Variants in SPTB observed in about 807,000 individuals in gnomAD.
The protein encoded by SPTB is spectrin beta chain, erythrocytic.
Under a neutral mutation model 256.2 loss-of-function variants are expected in SPTB, and 45 were observed. The ratio of observed to expected loss-of-function variants is 0.18; its 90% CI spans 0.14 to 0.23. SPTB has a LOEUF of 0.23. Among genes scored for constraint, SPTB ranks in the 10% least tolerant of loss-of-function variants. The pLI is 1.00. For missense variants in SPTB, 2,715 were observed against 3,040.4 expected, an observed-to-expected ratio of 0.89 and a Z score of 2.52; for synonymous variants, 1,231 against 1,243.1, an observed-to-expected ratio of 0.99 and a Z score of 0.21.
intron 23 of SPTB, 61 bp from the exon 24 acceptor site, chr14:64,774,588 A>G: frequency 1.3e-6 from 2 of 1,550,010 alleles, no homozygotes; most frequent in Non-Finnish European, 1.7e-6. Flanking sequence ...TCCCTTGGCA[A>G]GTTGTGCCCC....
intron 1 of SPTB, among the ~76,000 whole-genome samples, chr14:64,862,062 C>T (rs908827530): frequency 1.3e-5 from 2 of 152,208 alleles, no homozygotes; most frequent in African/African-American, 4.8e-5. Context: ...GTCAAATCGA[C>T]ACCCCCAGCC....
rs1012363759 is a variant in SPTB, at chr14:64,824,300, G to T, written c.-51-1155C>A. On this transcript the variant is annotated intron_variant, in intron 1 of 35. Transcript: ENST00000644917. The surrounding 1 kb of genome is among the most constrained non-coding windows in gnomAD (Gnocchi z 5.7). ...GGGAAAGGACAAGAGTCCAAGCAAA[G>T]GGAATAAAGAGTAGGTGTAAAGTCC... Among the ~76,000 whole-genome samples, 1 of 152,124 alleles carries T rather than the reference G, an allele frequency of 6.6e-6. No individual in the cohort carries two copies. Among genetic ancestry groups the T allele is most frequent in the African/African-American group, 2.4e-5 (1 of 41,418 alleles).
Position 64,823,181 on chromosome 14 carries a change from C to A in SPTB, c.-51-36G>T. On this transcript the variant is annotated intron_variant, in intron 1 of 35. Transcript: ENST00000644917. The surrounding 1 kb of genome is among the most constrained non-coding windows in gnomAD (Gnocchi z 6.5). ...GCAACACAGTCAGAGGGTTATCTCT[C>A]TACCCCCTCGGACTTTTTCTCCGGG... The A allele has an allele frequency of 6.5e-7, 1 of 1,540,130 alleles. No individual in the cohort carries two copies. The highest frequency in any genetic ancestry group is 1.1e-5 in the South Asian group (1 of 88,964).
At position 64,780,001 on chromosome 14, in the gene SPTB, T is replaced by A; in HGVS notation, c.4267-70A>T. 4 of 1,368,244 alleles carry A rather than the reference T, an allele frequency of 2.9e-6. 1 individual carries two copies. In the South Asian group the frequency reaches 4.6e-5, roughly 16 times the overall value. 84.8% of individuals were successfully genotyped at this position (1,368,244 alleles called of 1,614,324 possible). The stretch of plus-strand genomic sequence containing the variant: ...ACAGCCCCTCCATCTTCTTCATTCA[T>A]CTGCATCCCACCCATCCTTTAAGGC... On this transcript the variant is annotated intron_variant, in intron 20 of 35. Coordinates refer to ENST00000644917, the MANE Select transcript of SPTB (RefSeq NM_001355436.2).
chr14:64,784,655 TC>T (rs1433350327), intron 18 of SPTB, among the ~76,000 whole-genome samples: 1 of 152,162 alleles, frequency 6.6e-6, no homozygotes, highest in Non-Finnish European at 1.5e-5. Context: ...TACGCTCCTC[TC>T]CATATTTTGA....
rs760226103 is a variant in SPTB, at chr14:64,823,980, G to A, written c.-51-835C>T. 1.1e-4 allele frequency among the ~76,000 whole-genome samples: 17 copies of A among 152,244 alleles called. No homozygotes were observed. The highest frequency in any genetic ancestry group is 5.8e-4 in the East Asian group (3 of 5,174). Reference sequence around the variant, plus strand: ...AGGAGCACTGGGTCCTCCCTCACCCGTCATCAGTCATTCCTACTCACTCAT... The same window carrying A: ...AGGAGCACTGGGTCCTCCCTCACCCATCATCAGTCATTCCTACTCACTCAT... On this transcript the variant is annotated intron_variant, in intron 1 of 35. Coordinates refer to ENST00000644917, the MANE Select transcript of SPTB (RefSeq NM_001355436.2). This position sits in a 1 kb window ranked among gnomAD's most constrained non-coding sequence, Gnocchi z 6.5.
Position 64,749,731 on chromosome 14 carries a change from C to T in SPTB, c.6777-35G>A. On this transcript the variant is annotated intron_variant, in intron 34 of 35. Coordinates refer to ENST00000644917, the MANE Select transcript of SPTB (RefSeq NM_001355436.2). This position sits in a 1 kb window ranked among gnomAD's most constrained non-coding sequence, Gnocchi z 4.7. ...CAAAGGGTTTCCTGTCATGGAGACA[C>T]CTCTGGAGGGGGCGCTGGGCAGAGG... The T allele has an allele frequency of 6.2e-7, 1 of 1,610,476 alleles. No homozygotes were observed. The highest frequency in any genetic ancestry group is 8.5e-7 in the Non-Finnish European group (1 of 1,178,362).
Position 64,793,912 on chromosome 14 carries a change from C to T in SPTB, c.1796-45G>A. ...GGAGGACAAAGTGGGGGATGGGCTT[C>T]ATTTATGGGCACGCTTCAGATAAGC... On this transcript the variant is annotated intron_variant, in intron 13 of 35. Transcript: ENST00000644917. This position sits in a 1 kb window ranked among gnomAD's most constrained non-coding sequence, Gnocchi z 7.0. The T allele has an allele frequency of 1.3e-6, 2 of 1,563,886 alleles. No individual in the cohort carries two copies. Among genetic ancestry groups the T allele is most frequent in the Non-Finnish European group, 1.7e-6 (2 of 1,160,760 alleles).
At chr14:64,810,840 G>C (rs574600035) in intron 2 of SPTB, among the ~76,000 whole-genome samples, 24 of 152,306 alleles carry the variant, frequency 1.6e-4, no homozygotes, top group African/African-American at 5.3e-4. Context: ...GTTGGACCAG[G>C]CATTGTGGCT....
chr14:64,762,688 C>G (rs1282634748), intron 32 of SPTB, among the ~76,000 whole-genome samples: 1 of 152,224 alleles, frequency 6.6e-6, no homozygotes, highest in African/African-American at 2.4e-5. Flanking sequence ...ACAGGCAGTG[C>G]TGGAAGGCCA....
chr14:64,831,444 C>A lies in SPTB; in HGVS notation c.-51-8299G>T, dbSNP rs1382139500. 2.6e-5 allele frequency among the ~76,000 whole-genome samples: 4 copies of A among 152,278 alleles called. No homozygotes were observed. The East Asian group carries it at 7.7e-4, about 29-fold the overall frequency. On this transcript the variant is annotated intron_variant, in intron 1 of 35. Transcript: ENST00000644917. ...GTAGTGAAAACCTAAAAAGCTAAAACCCTAAGAAGAGATACTCAAGCCCAT... is the reference window on the plus strand; with the variant it reads ...GTAGTGAAAACCTAAAAAGCTAAAAACCTAAGAAGAGATACTCAAGCCCAT...
At chr14:64,839,165 G>A (rs900481987) in intron 1 of SPTB, among the ~76,000 whole-genome samples, 1 of 152,080 alleles carries the variant, frequency 6.6e-6, no homozygotes, top group Admixed American at 6.6e-5. Flanking sequence ...TATTTATAGT[G>A]GCTTTATTTA....
rs546154375 is a variant in SPTB, at chr14:64,825,086, T to C, written c.-51-1941A>G. On this transcript the variant is annotated intron_variant, in intron 1 of 35. Coordinates refer to ENST00000644917, the MANE Select transcript of SPTB (RefSeq NM_001355436.2). This position sits in a 1 kb window ranked among gnomAD's most constrained non-coding sequence, Gnocchi z 4.8. ...GTGGGGAAAGGACTGGAGCACAGTT[T>C]ATCCCCCTTGATCGGACAGGTTTCA... Among the ~76,000 whole-genome samples, 15 of 151,154 alleles carry C rather than the reference T, an allele frequency of 9.9e-5. No individual in the cohort carries two copies. Among genetic ancestry groups the C allele is most frequent in the Non-Finnish European group, 1.3e-4 (9 of 67,676 alleles).
intron 2 of SPTB, among the ~76,000 whole-genome samples, chr14:64,809,587 C>G (rs1029859209): frequency 6.6e-6 from 1 of 152,108 alleles, no homozygotes; most frequent in South Asian, 2.1e-4. Context: ...CCTCGTGATC[C>G]ACCCACCTTG....
intron 1 of SPTB, among the ~76,000 whole-genome samples, chr14:64,872,650 G>A (rs893843310): frequency 2.0e-5 from 3 of 152,208 alleles, no homozygotes; most frequent in African/African-American, 7.2e-5. Flanking sequence ...GTGGCCCCAC[G>A]TTGGGGGCTT....
rs1052613860 is a variant in SPTB at position 64,787,118 on chromosome 14, A to G, written c.2847T>C (p.Ala949=). ...FQTLVSERRE[A]VDSALRVHNY... is the part of the protein sequence containing the mutation. ...TGTGCACTCGGAGGGCTGAGTCCACAGCCTCCCGCCGCTCCGACACCAGGG... is the reference window on the plus strand; with the variant it reads ...TGTGCACTCGGAGGGCTGAGTCCACGGCCTCCCGCCGCTCCGACACCAGGG... The change falls in exon 16 of 36, where the codon GCT becomes GCC. Residue 949 remains alanine (A), a synonymous_variant. Transcript: ENST00000644917. The G allele has an allele frequency of 3.7e-6, 6 of 1,604,320 alleles. No homozygotes were observed. The highest frequency in any genetic ancestry group is 2.2e-5 in the East Asian group (1 of 44,868).
intron 1 of SPTB, among the ~76,000 whole-genome samples, chr14:64,869,601 T>A (rs1882401256): frequency 6.8e-6 from 1 of 147,392 alleles, no homozygotes; most frequent in Non-Finnish European, 1.5e-5. Flanking sequence ...TGAGCCACTG[T>A]GCTTGGTCAG....
rs762520229 is a variant in SPTB, at chr14:64,793,764, C to T, written c.1899G>A (p.Leu633=). 13 of 1,614,114 alleles carry T rather than the reference C, an allele frequency of 8.1e-6. No individual in the cohort carries two copies. The highest frequency in any genetic ancestry group is 1.0e-5 in the Non-Finnish European group (12 of 1,180,040). The change falls in exon 14 of 36, where the codon CTG becomes CTA. Residue 633 remains leucine (L), a synonymous_variant. Transcript: ENST00000644917. The surrounding 1 kb of genome is among the most constrained non-coding windows in gnomAD (Gnocchi z 7.0). ...ACTTCCAGAGTCGTTTGGACTGCTC[C>T]AGTTGGGCCTTCCGCCCAGCTGCCA... ...SNMAAGRKAQ[L]EQSKRLWKFF... is the part of the protein sequence containing the mutation.
At position 64,764,337 on chromosome 14, in the gene SPTB, T is replaced by G. The variant is rs2082135520; in HGVS notation, c.6345+2389A>C. Among the ~76,000 whole-genome samples the G allele has an allele frequency of 6.6e-6, 1 of 152,254 alleles. No homozygotes were observed. Among genetic ancestry groups the G allele is most frequent in the South Asian group, 2.1e-4 (1 of 4,836 alleles). On this transcript the variant is annotated intron_variant, in intron 32 of 35. Coordinates refer to ENST00000644917, the MANE Select transcript of SPTB (RefSeq NM_001355436.2). This position sits in a 1 kb window ranked among gnomAD's most constrained non-coding sequence, Gnocchi z 4.2. ...TATTAGGCCCTCCCTCTGAGGTTCG[T>G]GGATCCCCATGAGAACTTAACAAAA...
Sources: allele counts gnomAD v4.1 joint callset (sites outside exome capture counted in the v4.1 genomes callset), GRCh38; gene constraint gnomAD v4.1.1; non-coding constraint Gnocchi (gnomAD v3.1); transcripts MANE v1.5; gene names NCBI Gene and HGNC (gene_info 2026-07-23, HGNC 2026-07-21).